Variants in FOXJ3 observed in about 807,000 individuals in gnomAD.
FOXJ3 encodes the protein forkhead box J3.
In FOXJ3, 22 loss-of-function variants were observed where a neutral mutation model predicts 76.1. The ratio of observed to expected loss-of-function variants is 0.29; its 90% CI spans 0.21 to 0.41. The LOEUF (loss-of-function observed/expected upper bound fraction) is 0.41. FOXJ3 is among the 10% of genes least tolerant of loss of function. The pLI, the probability that FOXJ3 is intolerant of heterozygous loss-of-function variation, is 1.00. For synonymous variants in FOXJ3, 269 were observed against 261.2 expected, an observed-to-expected ratio of 1.03 and a Z score of -0.29; for missense variants, 613 against 762.1, an observed-to-expected ratio of 0.80 and a Z score of 2.30.
At chr1:42,327,812 G>C (rs1207235442) in intron 1 of FOXJ3, among the ~76,000 whole-genome samples, 1 of 152,180 alleles carries the variant, frequency 6.6e-6, no homozygotes, top group East Asian at 1.9e-4. Context: ...CCACTGAGGA[G>C]GACTCTAGGT....
intron 2 of FOXJ3, among the ~76,000 whole-genome samples, chr1:42,284,961 T>C (rs1211561304): frequency 6.6e-6 from 1 of 152,200 alleles, no homozygotes; most frequent in Non-Finnish European, 1.5e-5. Flanking sequence ...ACTTCAAAAC[T>C]GACTTTCTTA....
At chr1:42,243,906 T>C (rs781006362) in intron 4 of FOXJ3, among the ~76,000 whole-genome samples, 11 of 152,178 alleles carry the variant, frequency 7.2e-5, no homozygotes, top group South Asian at 4.1e-4. Flanking sequence ...TTCCCCAGGA[T>C]AGACCATTTG....
intron 1 of FOXJ3, among the ~76,000 whole-genome samples, chr1:42,317,514 TAAAA>T (rs11365048): frequency 3.4e-4 from 36 of 106,368 alleles, no homozygotes; most frequent in African/African-American, 1.2e-3. Context: ...AGAGAAACCA[TAAAA>T]AAAAAAAAAA....
chr1:42,209,100 G>T (rs922457608), intron 5 of FOXJ3, among the ~76,000 whole-genome samples: 27 of 152,184 alleles, frequency 1.8e-4, no homozygotes, highest in Admixed American at 1.1e-3. Flanking sequence ...AGGAAGCAAT[G>T]AAGTGAAATT....
chr1:42,190,009 G>A (rs770879515), intron 9 of FOXJ3, among the ~76,000 whole-genome samples: 7 of 152,194 alleles, frequency 4.6e-5, no homozygotes, highest in Non-Finnish European at 1.0e-4. Context: ...CCAAGGTAGC[G>A]AAGGAAGAAG....
intron 4 of FOXJ3, among the ~76,000 whole-genome samples, chr1:42,256,304 A>C (rs1221918682): frequency 1.3e-5 from 2 of 152,222 alleles, no homozygotes; most frequent in Non-Finnish European, 1.5e-5. Context: ...CCATAGTCTA[A>C]AAAAACATTT....
At chr1:42,252,846 AG>A (rs781298985) in intron 4 of FOXJ3, among the ~76,000 whole-genome samples, 2 of 151,614 alleles carry the variant, frequency 1.3e-5, no homozygotes, top group Non-Finnish European at 2.9e-5. Context: ...ACAAACCCAC[AG>A]CCAGTATCAT....
chr1:42,278,314 T>C, intron 3 of FOXJ3, 34 bp downstream of exon 3: 2 of 1,395,182 alleles, frequency 1.4e-6, no homozygotes, highest in Non-Finnish European at 2.0e-6. Context: ...CATTGCTTAC[T>C]TCATAAAAGT....
intron 4 of FOXJ3, among the ~76,000 whole-genome samples, chr1:42,261,885 A>G (rs957897641): frequency 2.0e-5 from 3 of 152,280 alleles, no homozygotes; most frequent in African/African-American, 7.2e-5. Flanking sequence ...ACAACAATTC[A>G]TAAGTACCAA....
At chr1:42,187,179 C>T (rs567536804) in intron 11 of FOXJ3, among the ~76,000 whole-genome samples, 85 of 151,604 alleles carry the variant, frequency 5.6e-4, no homozygotes, top group African/African-American at 2.0e-3. Flanking sequence ...TGACCCACAT[C>T]ATCTTCTACT....
chr1:42,252,098 T>C (rs1158973300), intron 4 of FOXJ3, among the ~76,000 whole-genome samples: 3 of 152,158 alleles, frequency 2.0e-5, no homozygotes, highest in Non-Finnish European at 4.4e-5. Context: ...TTTGGTTGTG[T>C]CTCTGCCCGG....
chr1:42,285,662 G>A (rs568772286), intron 2 of FOXJ3, among the ~76,000 whole-genome samples: 2 of 152,214 alleles, frequency 1.3e-5, no homozygotes, highest in East Asian at 3.9e-4. Context: ...GAGGATAGTG[G>A]ACAAGGTAAG....
At chr1:42,194,506 A>G (rs1314806117) in intron 8 of FOXJ3, among the ~76,000 whole-genome samples, 1 of 152,238 alleles carries the variant, frequency 6.6e-6, no homozygotes, top group Non-Finnish European at 1.5e-5. Flanking sequence ...CTTTTTGCTA[A>G]TACCAGTCAG....
intron 5 of FOXJ3, among the ~76,000 whole-genome samples, chr1:42,217,830 A>G (rs1371133412): frequency 6.6e-6 from 1 of 152,164 alleles, no homozygotes; most frequent in Non-Finnish European, 1.5e-5. Flanking sequence ...AAAACTCCTC[A>G]ACTTATAAAC....
At chr1:42,237,996 A>G (rs1477725330) in intron 4 of FOXJ3, among the ~76,000 whole-genome samples, 1 of 151,962 alleles carries the variant, frequency 6.6e-6, no homozygotes, top group East Asian at 1.9e-4. Flanking sequence ...ACTCTATTCT[A>G]TTGATCTACA....
chr1:42,189,545 G>A (rs999059015), intron 9 of FOXJ3, 141 bp from the exon 10 acceptor site: 7 of 602,356 alleles, frequency 1.2e-5, no homozygotes, highest in African/African-American at 1.9e-5. Flanking sequence ...ATTATATCAC[G>A]TGTTGGGCAA....
At position 42,316,349 on chromosome 1, in the gene FOXJ3, T is replaced by C. The variant is rs113100898; in HGVS notation, c.-17-5239A>G. Among the ~76,000 whole-genome samples, 412 of 135,136 alleles carry C rather than the reference T, an allele frequency of 3.0e-3. 12 individuals are homozygous for C. The Middle Eastern group carries it at 0.036, about 12-fold the overall frequency. The allele number at this position is 135,136 out of a possible 152,430, so 88.7% of individuals were successfully genotyped here. A position where few individuals can be genotyped will look rare whatever the true frequency, so the allele number is the denominator to read the frequency against. The stretch of plus-strand genomic sequence containing the variant: ...GCATTGGGCCTTTTTTTTTTTTTTT[T>C]CTGTAGAAACAAGGTCTTGCTGTGT... On this transcript the variant is annotated intron_variant, in intron 1 of 12. Transcript: ENST00000361346.
chr1:42,306,231 A>C (rs1198416239), intron 2 of FOXJ3, among the ~76,000 whole-genome samples: 1 of 151,648 alleles, frequency 6.6e-6, no homozygotes, highest in Non-Finnish European at 1.5e-5. Context: ...AAACAAAAAG[A>C]TTCTGCTAAA....
intron 4 of FOXJ3, among the ~76,000 whole-genome samples, chr1:42,258,399 C>G (rs190056470): frequency 6.6e-6 from 1 of 152,278 alleles, no homozygotes; most frequent in East Asian, 1.9e-4. Flanking sequence ...GTTCCCCAAA[C>G]ATAGTTAAGA....
Sources: gnomAD v4.1 joint callset for allele counts (sites outside exome capture counted in the v4.1 genomes callset) on GRCh38, gnomAD v4.1.1 for gene constraint, MANE v1.5 for transcripts, NCBI Gene and HGNC (gene_info 2026-07-23, HGNC 2026-07-21) for gene names.